Variants in KSR1 observed in about 807,000 individuals in gnomAD.
KSR1 encodes the protein kinase suppressor of ras.
Under a neutral mutation model 92.9 loss-of-function variants are expected in KSR1, and 35 were observed. The observed-to-expected ratio is 0.38, with a 90% confidence interval of 0.29 to 0.50. The LOEUF is 0.50. Ranked by LOEUF, KSR1 falls within the 20% of genes least tolerant of loss-of-function variation. The pLI is 0.94. For synonymous variants in KSR1, 467 were observed against 472.6 expected (o/e 0.99, Z 0.15); for missense variants, 972 against 1,158.5 (o/e 0.84, Z 2.34).
chr17:27,597,746 G>T (rs895314841), intron 10 of KSR1, among the ~76,000 whole-genome samples: 3 of 152,128 alleles, frequency 2.0e-5, no homozygotes, highest in African/African-American at 4.8e-5. Context: ...TCTTCATGGG[G>T]TGGCCTCTCC....
chr17:27,529,931 G>A (rs1000442688), intron 1 of KSR1, among the ~76,000 whole-genome samples: 1 of 152,160 alleles, frequency 6.6e-6, no homozygotes, highest in African/African-American at 2.4e-5. Context: ...GGTCTTTAGG[G>A]TAGGAGATGG....
chr17:27,585,892 T>A, intron 5 of KSR1: 2 of 578,920 alleles, frequency 3.5e-6, no homozygotes, highest in South Asian at 2.0e-5. Context: ...TCAGAGACCT[T>A]GAGCACATCT....
intron 1 of KSR1, among the ~76,000 whole-genome samples, chr17:27,467,184 T>G (rs2019737078): frequency 6.6e-6 from 1 of 152,220 alleles, no homozygotes; most frequent in Non-Finnish European, 1.5e-5. Context: ...CCAGGCAGTC[T>G]TAATTCCTTG....
intron 2 of KSR1, among the ~76,000 whole-genome samples, chr17:27,556,302 T>C (rs2071592983): frequency 2.0e-5 from 3 of 152,154 alleles, no homozygotes; most frequent in Admixed American, 2.0e-4. Context: ...GCAGCTTCAA[T>C]GTCCTGGGCT....
intron 1 of KSR1, among the ~76,000 whole-genome samples, chr17:27,497,467 G>A (rs1358571982): frequency 6.6e-6 from 1 of 152,230 alleles, no homozygotes; most frequent in Non-Finnish European, 1.5e-5. Context: ...CCCCCTTTCA[G>A]TCCTTGAATG....
At chr17:27,518,798 A>G (rs542852089) in intron 1 of KSR1, among the ~76,000 whole-genome samples, 1 of 152,316 alleles carries the variant, frequency 6.6e-6, no homozygotes, top group Admixed American at 6.5e-5. Flanking sequence ...TAGCCTTCAT[A>G]GTGCTGGAAA....
chr17:27,593,630 C>T lies in KSR1; in HGVS notation c.1299+1004C>T, dbSNP rs188592066. ...AGAAGGCCGGCTGCCCCAGGCCTGA[C>T]AGTCTGCCATGGGCCTGCACCTGTC... On this transcript the variant is annotated intron_variant, in intron 9 of 20. Coordinates refer to ENST00000644974, the MANE Select transcript of KSR1 (RefSeq NM_001394583.1). Among the ~76,000 whole-genome samples, 19 of 152,332 alleles carry T rather than the reference C, an allele frequency of 1.2e-4. No individual in the cohort carries two copies. In the East Asian group the frequency reaches 2.9e-3, roughly 23 times the overall value.
chr17:27,504,576 G>A (rs2069308215), intron 1 of KSR1, among the ~76,000 whole-genome samples: 1 of 152,250 alleles, frequency 6.6e-6, no homozygotes, highest in East Asian at 1.9e-4. Context: ...CAGGGAGAAG[G>A]GCTGGACATT....
intron 3 of KSR1, among the ~76,000 whole-genome samples, chr17:27,580,641 T>C (rs2072715597): frequency 6.6e-6 from 1 of 152,200 alleles, no homozygotes; most frequent in African/African-American, 2.4e-5. Context: ...GGGCAGTGTC[T>C]GTGGCCTCCC....
chr17:27,555,627 C>A (rs1362767283), intron 2 of KSR1, among the ~76,000 whole-genome samples: 1 of 152,146 alleles, frequency 6.6e-6, no homozygotes, highest in Non-Finnish European at 1.5e-5. Flanking sequence ...CTTCTAGAAT[C>A]AGTTATTTCC....
intron 1 of KSR1, among the ~76,000 whole-genome samples, chr17:27,481,493 T>A (rs576023010): frequency 6.6e-6 from 1 of 152,342 alleles, no homozygotes; most frequent in East Asian, 1.9e-4. Flanking sequence ...ACCTTGTACA[T>A]AAGATACACG....
intron 2 of KSR1, among the ~76,000 whole-genome samples, chr17:27,561,853 G>C (rs2071842481): frequency 6.6e-6 from 1 of 152,076 alleles, no homozygotes; most frequent in Non-Finnish European, 1.5e-5. Context: ...TTGTTTGTCT[G>C]TTGTTTGTTT....
intron 1 of KSR1, chr17:27,471,929 T>C (rs2020032888): frequency 6.6e-6 from 1 of 152,276 alleles, no homozygotes; most frequent in Admixed American, 6.5e-5. Flanking sequence ...AACTGTGCTC[T>C]GTGCTGTCAG....
At chr17:27,515,610 AGT>A (rs2069759121) in intron 1 of KSR1, among the ~76,000 whole-genome samples, 2 of 123,504 alleles carry the variant, frequency 1.6e-5, no homozygotes, top group African/African-American at 6.3e-5. Context: ...TCTGCTTCGT[AGT>A]TTTTTTTTTT....
intron 2 of KSR1, among the ~76,000 whole-genome samples, chr17:27,567,661 C>T (rs1478285150): frequency 6.6e-6 from 1 of 152,228 alleles, no homozygotes; most frequent in Non-Finnish European, 1.5e-5. Flanking sequence ...ACCTCAGGGA[C>T]ATCTTGACCT....
In KSR1 at chr17:27,506,507, C is replaced by G. The variant is rs2069387234; in HGVS notation, c.232-44061C>G. On this transcript the variant is annotated intron_variant, in intron 1 of 20. Coordinates refer to ENST00000644974, the MANE Select transcript of KSR1 (RefSeq NM_001394583.1). Reference sequence around the variant, plus strand: ...GTGGATGTAGTTGGATTTGTCCAACCTGTGTCTGGGGTTGCACATTTCGGT... The same window carrying G: ...GTGGATGTAGTTGGATTTGTCCAACGTGTGTCTGGGGTTGCACATTTCGGT... Among the ~76,000 whole-genome samples, 7 of 152,314 alleles carry G rather than the reference C, an allele frequency of 4.6e-5. No individual in the cohort carries two copies. The South Asian group carries it at 1.2e-3, about 27-fold the overall frequency.
At chr17:27,474,473 T>C (rs549067624) in intron 1 of KSR1, among the ~76,000 whole-genome samples, 11 of 152,354 alleles carry the variant, frequency 7.2e-5, no homozygotes, top group African/African-American at 2.6e-4. Flanking sequence ...GGATTCAGGC[T>C]GCACTGCCTT....
intron 1 of KSR1, chr17:27,526,630 CT>C (rs1356126839): frequency 1.9e-6 from 3 of 1,565,518 alleles, no homozygotes; most frequent in Non-Finnish European, 2.6e-6. Flanking sequence ...CCTCGTGCAT[CT>C]TTTTTAAAGC....
Position 27,605,381 on chromosome 17 carries a change from G to A in KSR1, c.1615-53G>A, listed in dbSNP as rs186720666. On this transcript the variant is annotated intron_variant, in intron 13 of 20. Transcript: ENST00000644974. Reference sequence around the variant, plus strand: ...TAGGGCTCCAGGAGAAGGAAGAGACGTCGCAGAGCCCAGATCTGCTGCCCA... The same window carrying A: ...TAGGGCTCCAGGAGAAGGAAGAGACATCGCAGAGCCCAGATCTGCTGCCCA... 1,973 of 1,555,432 alleles carry A rather than the reference G, an allele frequency of 1.3e-3. 2 individuals carry two copies. Among genetic ancestry groups the A allele is most frequent in the Non-Finnish European group, 1.5e-3 (1,766 of 1,162,726 alleles).
Sources: allele counts gnomAD v4.1 joint callset (sites outside exome capture counted in the v4.1 genomes callset), GRCh38; gene constraint gnomAD v4.1.1; transcripts MANE v1.5; gene names NCBI Gene and HGNC (gene_info 2026-07-23, HGNC 2026-07-21).